Variants in KCNH7 observed in about 807,000 individuals in gnomAD.
KCNH7 encodes the protein voltage-gated inwardly rectifying potassium channel KCNH7.
Under a neutral mutation model 120.8 loss-of-function variants are expected in KCNH7, and 49 were observed. The ratio of observed to expected loss-of-function variants is 0.41; its 90% CI spans 0.32 to 0.51. The LOEUF is 0.51. Ranked by LOEUF, KCNH7 falls within the 20% of genes least tolerant of loss-of-function variation. KCNH7 has a pLI of 0.38. For missense variants in KCNH7, 1,097 were observed against 1,446.6 expected (o/e 0.76, Z 3.92); for synonymous variants, 547 against 516.1 (o/e 1.06, Z -0.81).
At chr2:162,806,415 T>C (rs1219384084) in intron 2 of KCNH7, among the ~76,000 whole-genome samples, 3 of 152,226 alleles carry the variant, frequency 2.0e-5, no homozygotes, top group Non-Finnish European at 4.4e-5. Context: ...TCTGTTCTGT[T>C]ATGCCAGAAA....
intron 2 of KCNH7, among the ~76,000 whole-genome samples, chr2:162,609,119 A>T (rs1262661432): frequency 1.3e-5 from 2 of 152,178 alleles, no homozygotes; most frequent in Admixed American, 1.3e-4. Context: ...TTTTCAAAAC[A>T]GACATTTCTG....
intron 6 of KCNH7, among the ~76,000 whole-genome samples, chr2:162,455,786 C>T (rs1277171783): frequency 6.6e-6 from 1 of 151,942 alleles, no homozygotes; most frequent in Non-Finnish European, 1.5e-5. Flanking sequence ...TGGTGACATC[C>T]CCTTTATCAT....
At chr2:162,735,846 G>A (rs536256227) in intron 2 of KCNH7, among the ~76,000 whole-genome samples, 1 of 152,126 alleles carries the variant, frequency 6.6e-6, no homozygotes, top group Non-Finnish European at 1.5e-5. Flanking sequence ...TCTGAGCAAT[G>A]GGCAAGAACA....
chr2:162,511,058 T>C (rs760982222), intron 5 of KCNH7, among the ~76,000 whole-genome samples: 1 of 151,686 alleles, frequency 6.6e-6, no homozygotes, highest in Non-Finnish European at 1.5e-5. Flanking sequence ...TAAATTGTGA[T>C]CGTAAAATTG....
chr2:162,685,069 C>G (rs1234484521), intron 2 of KCNH7, among the ~76,000 whole-genome samples: 1 of 151,998 alleles, frequency 6.6e-6, no homozygotes, highest in African/African-American at 2.4e-5. Flanking sequence ...AAGGTGGAAA[C>G]CATCATTCTC....
At chr2:162,624,906 T>C (rs1683497178) in intron 2 of KCNH7, among the ~76,000 whole-genome samples, 1 of 142,634 alleles carries the variant, frequency 7.0e-6, no homozygotes, top group African/African-American at 2.6e-5. Flanking sequence ...TTTTTTTTTT[T>C]TTTTTTTTGA....
At chr2:162,505,203 C>A (rs1245101538) in intron 5 of KCNH7, among the ~76,000 whole-genome samples, 1 of 151,884 alleles carries the variant, frequency 6.6e-6, no homozygotes, top group Non-Finnish European at 1.5e-5. Flanking sequence ...AAGAGTTAAA[C>A]CCAGATGAAG....
chr2:162,454,693 G>A (rs1166101903), intron 6 of KCNH7, among the ~76,000 whole-genome samples: 1 of 151,170 alleles, frequency 6.6e-6, no homozygotes, highest in African/African-American at 2.4e-5. Flanking sequence ...TATTCTCTTT[G>A]TAGCAATTGT....
chr2:162,711,261 G>C (rs1158427938), intron 2 of KCNH7, among the ~76,000 whole-genome samples: 1 of 152,186 alleles, frequency 6.6e-6, no homozygotes, highest in African/African-American at 2.4e-5. Flanking sequence ...TCCGGCCTTT[G>C]TATCAGCAGA....
intron 2 of KCNH7, among the ~76,000 whole-genome samples, chr2:162,776,431 T>C (rs553105474): frequency 6.6e-6 from 1 of 152,206 alleles, no homozygotes; most frequent in South Asian, 2.1e-4. Flanking sequence ...ACATATTGAT[T>C]TGAAGACTGT....
chr2:162,667,225 TG>T (rs1289700690), intron 2 of KCNH7, among the ~76,000 whole-genome samples: 1 of 152,052 alleles, frequency 6.6e-6, no homozygotes, highest in Admixed American at 6.6e-5. Flanking sequence ...CTCACTACTT[TG>T]CCTAGGCTAT....
intron 9 of KCNH7, among the ~76,000 whole-genome samples, chr2:162,414,505 G>T (rs1450408474): frequency 1.3e-5 from 2 of 151,560 alleles, no homozygotes; most frequent in Non-Finnish European, 2.9e-5. Context: ...TAAAAGGAAT[G>T]AATTAGTTGT....
intron 14 of KCNH7, among the ~76,000 whole-genome samples, chr2:162,374,100 T>G (rs970388576): frequency 6.6e-6 from 1 of 152,252 alleles, no homozygotes; most frequent in Non-Finnish European, 1.5e-5. Flanking sequence ...TAATTTCTTA[T>G]GTGTTTTTAC....
intron 8 of KCNH7, among the ~76,000 whole-genome samples, chr2:162,431,008 T>C (rs1023853958): frequency 6.6e-6 from 1 of 152,036 alleles, no homozygotes; most frequent in Admixed American, 6.6e-5. Flanking sequence ...TATACACACT[T>C]TTAAAATGTA....
chr2:162,658,929 T>A (rs1428906061), intron 2 of KCNH7, among the ~76,000 whole-genome samples: 3 of 152,182 alleles, frequency 2.0e-5, no homozygotes, highest in African/African-American at 7.2e-5. Context: ...GAGAGTTTTA[T>A]TTCTTCCTTC....
intron 4 of KCNH7, 76 bp from the exon 5 acceptor site, chr2:162,512,750 C>T (rs1691123202): frequency 3.6e-6 from 4 of 1,101,900 alleles, no homozygotes; most frequent in East Asian, 2.6e-5. Flanking sequence ...CACTGAATTA[C>T]CTGTATAAAA....
At chr2:162,620,384 C>A (rs1357419049) in intron 2 of KCNH7, among the ~76,000 whole-genome samples, 1 of 151,904 alleles carries the variant, frequency 6.6e-6, no homozygotes, top group African/African-American at 2.4e-5. Context: ...GCAAAATCAC[C>A]TATATGCTGG....
chr2:162,672,270 T>C (rs1039489721), intron 2 of KCNH7, among the ~76,000 whole-genome samples: 1 of 152,036 alleles, frequency 6.6e-6, no homozygotes, highest in South Asian at 2.1e-4. Context: ...ATAAAGTAAC[T>C]TTTAGCAAAT....
chr2:162,767,207 T>C (rs1298505576), intron 2 of KCNH7, among the ~76,000 whole-genome samples: 1 of 152,168 alleles, frequency 6.6e-6, no homozygotes, highest in East Asian at 1.9e-4. Context: ...TCCTAGTATG[T>C]TTAATTGTAC....
Sources: allele counts gnomAD v4.1 joint callset (sites outside exome capture counted in the v4.1 genomes callset), GRCh38; gene constraint gnomAD v4.1.1; transcripts MANE v1.5; gene names NCBI Gene and HGNC (gene_info 2026-07-23, HGNC 2026-07-21).